The following LRRC7 variants were observed in gnomAD, a reference collection of about 807,000 sequenced individuals.
The protein encoded by LRRC7 is leucine-rich repeat-containing protein 7.
In LRRC7, 23 loss-of-function variants were observed where a neutral mutation model predicts 175.7. That is an observed-to-expected ratio of 0.13 (90% CI 0.09 to 0.19). The LOEUF is 0.19. LRRC7 is among the 10% of genes least tolerant of loss of function. The pLI, the probability that LRRC7 is intolerant of heterozygous loss-of-function variation, is 1.00. For missense variants in LRRC7, 1,354 were observed against 1,904.7 expected (o/e 0.71, Z 5.38); for synonymous variants, 685 against 680.9 (o/e 1.01, Z -0.09).
chr1:69,813,847 C>T (rs868335340), intron 4 of LRRC7, among the ~76,000 whole-genome samples: 5 of 152,134 alleles, frequency 3.3e-5, no homozygotes, highest in African/African-American at 7.2e-5. Context: ...GCTTGGATTA[C>T]GTGGTCTACA....
chr1:69,971,655 A>T (rs1334005225), intron 8 of LRRC7, among the ~76,000 whole-genome samples: 1 of 151,622 alleles, frequency 6.6e-6, no homozygotes, highest in Non-Finnish European at 1.5e-5. Context: ...TCCCATGTTC[A>T]TGGATGGGTA....
At chr1:69,961,967 A>C (rs546001789) in intron 8 of LRRC7, among the ~76,000 whole-genome samples, 3 of 152,304 alleles carry the variant, frequency 2.0e-5, no homozygotes, top group African/African-American at 7.2e-5. Context: ...CCAGTTGCAA[A>C]AAAAAGCAAA....
intron 7 of LRRC7, among the ~76,000 whole-genome samples, chr1:69,851,564 G>A (rs1224650736): frequency 6.6e-6 from 1 of 152,094 alleles, no homozygotes; most frequent in African/African-American, 2.4e-5. Context: ...GGAAACACTG[G>A]TGGCCCGGGA....
chr1:69,664,959 C>T (rs974565984), intron 1 of LRRC7, among the ~76,000 whole-genome samples: 1 of 152,102 alleles, frequency 6.6e-6, no homozygotes, highest in African/African-American at 2.4e-5. Context: ...AGTCTTTAAT[C>T]CATTTTGATT....
chr1:69,875,734 G>A (rs1261524598), intron 7 of LRRC7, among the ~76,000 whole-genome samples: 1 of 151,926 alleles, frequency 6.6e-6, no homozygotes, highest in African/African-American at 2.4e-5. Context: ...CAGGTAAAAT[G>A]ATAATAAGAT....
chr1:69,961,541 A>G (rs943307069), intron 8 of LRRC7, among the ~76,000 whole-genome samples: 6 of 152,254 alleles, frequency 3.9e-5, no homozygotes, highest in Admixed American at 2.0e-4. Context: ...CTGGGCAGAA[A>G]GAACAAAGCT....
intron 8 of LRRC7, among the ~76,000 whole-genome samples, chr1:69,938,514 T>G (rs568236770): frequency 6.6e-6 from 1 of 152,158 alleles, no homozygotes; most frequent in South Asian, 2.1e-4. Context: ...AGAATAGAGA[T>G]ATTCTGAGCG....
At position 69,897,779 on chromosome 1, in the gene LRRC7, G is replaced by A. The variant is rs144826865; in HGVS notation, c.648-33728G>A. 1.9e-3 allele frequency among the ~76,000 whole-genome samples: 286 copies of A among 152,260 alleles called. 1 individual carries two copies. The highest frequency in any genetic ancestry group is 6.1e-3 in the African/African-American group (254 of 41,558). ...TACCAATACATATTCCATGTAGCAC[G>A]ATTGAACATGCCATGTCAATCTTAA... On this transcript the variant is annotated intron_variant, in intron 7 of 26. Transcript: ENST00000651989.
intron 25 of LRRC7, among the ~76,000 whole-genome samples, chr1:70,104,433 G>A (rs1178983760): frequency 1.3e-5 from 2 of 152,094 alleles, no homozygotes; most frequent in African/African-American, 4.8e-5. Context: ...GGCAGTCTTG[G>A]GAGATATTTC....
intron 24 of LRRC7, among the ~76,000 whole-genome samples, chr1:70,080,562 A>G (rs1663130399): frequency 1.3e-5 from 2 of 152,226 alleles, no homozygotes; most frequent in Admixed American, 1.3e-4. Context: ...TTTCAGAAAT[A>G]ATGAGTATCA....
At chr1:70,072,407 G>A (rs928025539) in intron 23 of LRRC7, among the ~76,000 whole-genome samples, 2 of 152,170 alleles carry the variant, frequency 1.3e-5, no homozygotes, top group African/African-American at 2.4e-5. Context: ...CTTTGTGTCA[G>A]TCAAAAACAA....
intron 7 of LRRC7, among the ~76,000 whole-genome samples, chr1:69,906,255 T>G (rs1287930554): frequency 6.6e-6 from 1 of 152,224 alleles, no homozygotes; most frequent in Non-Finnish European, 1.5e-5. Context: ...CAGAAGCTCT[T>G]TAGTTTAATT....
At chr1:69,710,526 CTG>C (rs1664634931) in intron 2 of LRRC7, among the ~76,000 whole-genome samples, 1 of 152,180 alleles carries the variant, frequency 6.6e-6, no homozygotes, top group Admixed American at 6.5e-5. Context: ...TCTACAGTCT[CTG>C]TTGTTTTCAT....
At chr1:69,707,255 T>C (rs570882985) in intron 2 of LRRC7, among the ~76,000 whole-genome samples, 1 of 152,290 alleles carries the variant, frequency 6.6e-6, no homozygotes, top group Admixed American at 6.5e-5. Flanking sequence ...TTGTGTTCAA[T>C]GCAGCCTGTA....
At chr1:70,097,899 G>GTGAATA (rs1664528866) in intron 25 of LRRC7, among the ~76,000 whole-genome samples, 1 of 147,934 alleles carries the variant, frequency 6.8e-6, no homozygotes, top group Non-Finnish European at 1.5e-5. Flanking sequence ...CTTTGCTATT[G>GTGAATA]TGAATAATGC....
At chr1:69,756,680 G>A (rs561749508) in intron 2 of LRRC7, among the ~76,000 whole-genome samples, 2 of 151,690 alleles carry the variant, frequency 1.3e-5, no homozygotes, top group Admixed American at 1.3e-4. Flanking sequence ...TATATTTTGA[G>A]GTATCAAAAA....
chr1:69,793,528 A>G (rs148315979), intron 4 of LRRC7, among the ~76,000 whole-genome samples: 13 of 151,974 alleles, frequency 8.6e-5, no homozygotes, highest in African/African-American at 3.1e-4. Flanking sequence ...TTTCCTTATC[A>G]CCTTCAGGCC....
At chr1:69,726,757 G>C (rs988658298) in intron 2 of LRRC7, among the ~76,000 whole-genome samples, 2 of 151,448 alleles carry the variant, frequency 1.3e-5, no homozygotes, top group Non-Finnish European at 2.9e-5. Flanking sequence ...GAGGGCCAGA[G>C]TCAATTATGT....
chr1:69,953,490 C>A (rs183941851), intron 8 of LRRC7, among the ~76,000 whole-genome samples: 2 of 152,128 alleles, frequency 1.3e-5, no homozygotes, highest in South Asian at 2.1e-4. Flanking sequence ...TGGCACACAT[C>A]TTTCCCTTCT....
Sources: allele counts gnomAD v4.1 joint callset (sites outside exome capture counted in the v4.1 genomes callset), GRCh38; gene constraint gnomAD v4.1.1; transcripts MANE v1.5; gene names NCBI Gene and HGNC (gene_info 2026-07-23, HGNC 2026-07-21).